Variants in ARHGEF2 observed in about 807,000 individuals in gnomAD.
The protein encoded by ARHGEF2 is rho guanine nucleotide exchange factor 2.
In ARHGEF2, 22 loss-of-function variants were observed where a neutral mutation model predicts 121.0. The observed-to-expected ratio is 0.18, with a 90% confidence interval of 0.13 to 0.26. The LOEUF is 0.26. Ranked by LOEUF, ARHGEF2 falls within the 10% of genes least tolerant of loss-of-function variation. The pLI, the probability that ARHGEF2 is intolerant of heterozygous loss-of-function variation, is 1.00. For synonymous variants in ARHGEF2, 487 were observed against 530.0 expected (o/e 0.92, Z 1.11); for missense variants, 907 against 1,336.0 (o/e 0.68, Z 5.01).
At position 155,952,752 on chromosome 1, in the gene ARHGEF2, A is replaced by G. The variant is rs757850478; in HGVS notation, c.1860T>C (p.His620=). ...EKVGLFAEMT[H]FQAEEDGGSG... ...TGCCACCATCCTCTTCGGCCTGGAA[A>G]TGGGTCATCTCAGCAAACAGCCCGA... is the stretch of plus-strand genomic sequence containing the variant. The change falls in exon 15 of 22, where the codon CAT becomes CAC. Residue 620 remains histidine (H), a synonymous_variant. Coordinates refer to ENST00000361247, the MANE Select transcript of ARHGEF2 (RefSeq NM_001162383.2). The G allele has an allele frequency of 2.2e-5, 36 of 1,614,076 alleles. No homozygotes were observed. Among genetic ancestry groups the G allele is most frequent in the Non-Finnish European group, 2.5e-5 (29 of 1,180,046 alleles).
rs201725117 is a variant in ARHGEF2 at position 155,961,677 on chromosome 1, C to T, written c.1452G>A (p.Ala484=). The T allele has an allele frequency of 3.0e-5, 48 of 1,612,274 alleles. 1 individual carries two copies. The Admixed American group carries it at 4.0e-4, about 13-fold the overall frequency. ...AGGTCTGACCTTTGAAGCGCCCCGT[C>T]GCTGTCTTCCAGAGCAGGCAGCCAT... is the stretch of plus-strand genomic sequence containing the variant. ...IHDGCLLWKT[A]TGRFKDVLVL... The change falls in exon 11 of 22, where the codon GCG becomes GCA. Residue 484 remains alanine, a synonymous_variant. Transcript: ENST00000361247. This position sits in a 1 kb window ranked among gnomAD's most constrained non-coding sequence, Gnocchi z 4.7.
chr1:155,973,191 A>G (rs185821652), intron 1 of ARHGEF2, among the ~76,000 whole-genome samples: 279 of 152,320 alleles, frequency 1.8e-3, no homozygotes, highest in Non-Finnish European at 9.7e-4. Flanking sequence ...CAAAGAAGCA[A>G]GGAAGGATGT....
chr1:155,975,653 C>G (rs1000216692), intron 1 of ARHGEF2, among the ~76,000 whole-genome samples: 1 of 152,128 alleles, frequency 6.6e-6, no homozygotes, highest in African/African-American at 2.4e-5. Context: ...ACTCCTAGTC[C>G]TGCACACAAA....
intron 12 of ARHGEF2, 95 bp from the exon 13 acceptor site, chr1:155,957,977 G>C: frequency 7.7e-7 from 1 of 1,305,900 alleles, no homozygotes; most frequent in Non-Finnish European, 1.0e-6. Context: ...TGAAAGGACT[G>C]AAGAGTCATC....
In ARHGEF2 at chr1:155,961,959, C is replaced by T. The variant is rs1426126038; in HGVS notation, c.1220-50G>A. ...AACGGCTCAACCAGTTTCACTCACA[C>T]CCCAGTTCCCATCGTGTCTTGATTC... On this transcript the variant is annotated intron_variant, in intron 10 of 21. Coordinates refer to ENST00000361247, the MANE Select transcript of ARHGEF2 (RefSeq NM_001162383.2). This position sits in a 1 kb window ranked among gnomAD's most constrained non-coding sequence, Gnocchi z 4.7. 4 of 1,608,884 alleles carry T rather than the reference C, an allele frequency of 2.5e-6. No individual in the cohort carries two copies. Among genetic ancestry groups the T allele is most frequent in the Admixed American group, 3.3e-5 (2 of 59,896 alleles).
Position 155,951,094 on chromosome 1 carries a change from A to G in ARHGEF2, c.2438T>C (p.Leu813Pro). ...ELALLQRQHA[L>P]LQEELRRCRR... ...GCAGCGCCGTAGCTCCTCCTGCAGC[A>G]GCGCATGTTGCCGCTGCAGTAATGC... Residue 813 changes from leucine (L) to proline (P), a missense_variant, in exon 20 of 22, where the codon CTG becomes CCG. Around this residue, in one of 2 missense-constraint regions of ARHGEF2, gnomAD observed 432 missense variants for 559.5 expected, o/e 0.77. Transcript: ENST00000361247. This position sits in a 1 kb window ranked among gnomAD's most constrained non-coding sequence, Gnocchi z 5.1. 6.2e-7 allele frequency: 1 copy of G among 1,602,600 alleles called. No homozygotes were observed. Among genetic ancestry groups the G allele is most frequent in the Non-Finnish European group, 8.5e-7 (1 of 1,176,402 alleles).
At position 155,961,123 on chromosome 1, in the gene ARHGEF2, A is replaced by C. The variant is rs899502567; in HGVS notation, c.1468+538T>G. Among the ~76,000 whole-genome samples, 8 of 152,156 alleles carry C rather than the reference A, an allele frequency of 5.3e-5. No individual in the cohort carries two copies. Among genetic ancestry groups the C allele is most frequent in the Non-Finnish European group, 8.8e-5 (6 of 68,032 alleles). Reference sequence around the variant, plus strand: ...AAACTAGTAGCTCTCTAGGCATGCAAGGACCAAAGAAATTATAAAATACTG... The same window carrying C: ...AAACTAGTAGCTCTCTAGGCATGCACGGACCAAAGAAATTATAAAATACTG... On this transcript the variant is annotated intron_variant, in intron 11 of 21. Transcript: ENST00000361247. This position sits in a 1 kb window ranked among gnomAD's most constrained non-coding sequence, Gnocchi z 4.7.
chr1:155,970,909 A>ATGCATCC (rs780536197), intron 1 of ARHGEF2: 92 of 986,172 alleles, frequency 9.3e-5, no homozygotes, highest in Non-Finnish European at 1.1e-4. Context: ...TTCTCCCCTC[A>ATGCATCC]TGCATCCTCC....
At chr1:155,970,676 C>T in intron 1 of ARHGEF2, 3 of 985,732 alleles carry the variant, frequency 3.0e-6, no homozygotes, top group Non-Finnish European at 3.6e-6. Flanking sequence ...GCCACGCCAG[C>T]AGCTGAGAGG....
At chr1:155,978,682 G>A (rs898118573), upstream of ARHGEF2, 21 of 998,312 alleles carry the variant, frequency 2.1e-5, no homozygotes, top group South Asian at 3.7e-5. The surrounding 1 kb of genome is among the most constrained non-coding windows in gnomAD (Gnocchi z 4.1). Context: ...TTGTGTGGGG[G>A]CAGCTCGGAG....
intron 1 of ARHGEF2, among the ~76,000 whole-genome samples, chr1:155,977,710 G>T (rs1681543885): frequency 6.6e-6 from 1 of 152,246 alleles, no homozygotes; most frequent in Non-Finnish European, 1.5e-5. Flanking sequence ...TTCACCTAGA[G>T]GTGATGGTTT....
chr1:155,952,348 G>C, intron 15 of ARHGEF2, 113 bp from the exon 16 acceptor site: 1 of 1,443,584 alleles, frequency 6.9e-7, no homozygotes, highest in Non-Finnish European at 9.4e-7. Flanking sequence ...CCCCTGCACT[G>C]GCAGTGGGGT....
At chr1:155,964,943 A>G (rs947612130) in intron 7 of ARHGEF2, 45 bp downstream of exon 7, 1 of 1,565,012 alleles carries the variant, frequency 6.4e-7, no homozygotes. Context: ...GTAGATAAAC[A>G]GGACCTGGTG....
rs534678666 is a variant in ARHGEF2 at position 155,954,945 on chromosome 1, G to T, written c.1740C>A (p.Pro580=). ...AAGCCTCATCCTCTGTCTCAATCAG[G>T]GGGAAGTCCTCCCTGGATGGGCATC... ...VRTCPSREDF[P]LIETEDEAYL... Residue 580 remains proline (P), a synonymous_variant, in exon 14 of 22, where the codon CCC becomes CCA. Transcript: ENST00000361247. The T allele has an allele frequency of 4.0e-5, 64 of 1,611,716 alleles. No individual in the cohort carries two copies. The highest frequency in any genetic ancestry group is 5.0e-5 in the Non-Finnish European group (59 of 1,178,986).
chr1:155,950,804 C>T lies in ARHGEF2; in HGVS notation c.2703+25G>A, dbSNP rs370227908. ...TGGACCCTTATGTCCACCCCAGGTCCATTCACCACTGCAGGCCACCTTACC... is the reference window on the plus strand; with the variant it reads ...TGGACCCTTATGTCCACCCCAGGTCTATTCACCACTGCAGGCCACCTTACC... On this transcript the variant is annotated intron_variant, in intron 20 of 21. Coordinates refer to ENST00000361247, the MANE Select transcript of ARHGEF2 (RefSeq NM_001162383.2). The surrounding 1 kb of genome is among the most constrained non-coding windows in gnomAD (Gnocchi z 5.2). 487 of 1,514,888 alleles carry T rather than the reference C, an allele frequency of 3.2e-4. No individual in the cohort carries two copies. The highest frequency in any genetic ancestry group is 4.0e-4 in the Non-Finnish European group (454 of 1,131,936). 93.8% of individuals were successfully genotyped at this position (1,514,888 alleles called of 1,614,324 possible).
intron 2 of ARHGEF2, among the ~76,000 whole-genome samples, chr1:155,967,750 C>T (rs1397717589): frequency 6.6e-6 from 1 of 152,148 alleles, no homozygotes; most frequent in Non-Finnish European, 1.5e-5. Context: ...AAGGAGGATT[C>T]GCTGAGCCTA....
intron 15 of ARHGEF2, 102 bp downstream of exon 15, chr1:155,952,526 G>A (rs1340535781): frequency 1.5e-6 from 2 of 1,354,916 alleles, no homozygotes; most frequent in African/African-American, 1.5e-5. Context: ...GGTTTATAGG[G>A]TTGGCATCCC....
chr1:155,965,012 T>A lies in ARHGEF2; in HGVS notation c.700A>T (p.Met234Leu). 1 of 1,614,038 alleles carries A rather than the reference T, an allele frequency of 6.2e-7. No homozygotes were observed. Among genetic ancestry groups the A allele is most frequent in the Non-Finnish European group, 8.5e-7 (1 of 1,180,006 alleles). ...SFLQQHKKEV[M>L]KQQDVIYELI... ...CCATAGATGACATCTTGCTGCTTCA[T>A]CACCTCCTTTTTATGCTGCTGCAGG... is the stretch of plus-strand genomic sequence containing the variant. The change falls in exon 7 of 22, where the codon ATG becomes TTG. Residue 234 changes from methionine to leucine, a missense_variant. Transcript: ENST00000361247. The surrounding 1 kb of genome is among the most constrained non-coding windows in gnomAD (Gnocchi z 6.0).
chr1:155,948,127 G>A, intron 21 of ARHGEF2, 112 bp from the exon 22 acceptor site: 1 of 767,280 alleles, frequency 1.3e-6, no homozygotes, highest in Non-Finnish European at 2.1e-6. Context: ...GGGCTGTGAA[G>A]GGATGACAGG....
Sources: gnomAD v4.1 joint callset for allele counts (sites outside exome capture counted in the v4.1 genomes callset) on GRCh38, gnomAD v4.1.1 for gene constraint, gnomAD v4.1.1 regional missense constraint, Gnocchi (gnomAD v3.1) non-coding constraint, MANE v1.5 for transcripts, NCBI Gene and HGNC (gene_info 2026-07-23, HGNC 2026-07-21) for gene names.